The following MED12L variants were observed in gnomAD, a reference collection of about 807,000 sequenced individuals.
MED12L encodes mediator of RNA polymerase II transcription subunit 12-like protein.
MED12L carries 60 observed loss-of-function variants against 281.3 expected under a neutral mutation model. The observed-to-expected ratio is 0.21, with a 90% CI of 0.17 to 0.26. The LOEUF is 0.26. Ranked by LOEUF, MED12L falls within the 10% of genes least tolerant of loss-of-function variation. MED12L has a pLI of 1.00. For synonymous variants in MED12L, 974 were observed against 987.2 expected (o/e 0.99, Z 0.25); for missense variants, 2,146 against 2,680.9 (o/e 0.80, Z 4.41).
At chr3:151,379,834 C>T (rs1486886541) in intron 31 of MED12L, among the ~76,000 whole-genome samples, 1 of 152,158 alleles carries the variant, frequency 6.6e-6, no homozygotes, top group Non-Finnish European at 1.5e-5. Flanking sequence ...GATGAATTCA[C>T]TGTCTTCTAC....
chr3:151,324,324 G>A (rs1049198071), intron 16 of MED12L, among the ~76,000 whole-genome samples: 1 of 152,154 alleles, frequency 6.6e-6, no homozygotes, highest in African/African-American at 2.4e-5. Context: ...TTAGCCTCTA[G>A]GTCAGGGCTT....
chr3:151,117,642 T>C (rs1050668599), intron 3 of MED12L, among the ~76,000 whole-genome samples: 6 of 152,170 alleles, frequency 3.9e-5, no homozygotes, highest in Non-Finnish European at 8.8e-5. Flanking sequence ...AATACTTCAT[T>C]GCCACTCCAA....
chr3:151,205,000 A>G (rs76836161), intron 16 of MED12L, among the ~76,000 whole-genome samples: 1,943 of 152,334 alleles, frequency 0.013, 33 homozygotes, highest in African/African-American at 0.038. Flanking sequence ...AATAGTGAGA[A>G]TTAATCTTTT....
rs769803482 is a variant in MED12L at position 151,214,145 on chromosome 3, T to C, written c.2250+20479T>C. ...GCAATAACAATGTTCTTGAGATAGA[T>C]GATGAAACTCTTAGAGCTGGGCACG... On this transcript the variant is annotated intron_variant, in intron 16 of 44. Coordinates refer to ENST00000687756, the MANE Select transcript of MED12L (RefSeq NM_001393769.1). The C allele has an allele frequency of 2.9e-5, 46 of 1,613,994 alleles. No individual in the cohort carries two copies. The highest frequency in any genetic ancestry group is 3.7e-5 in the Non-Finnish European group (44 of 1,179,992).
chr3:151,423,802 T>C (rs184587954), intron 43 of MED12L, among the ~76,000 whole-genome samples: 4 of 152,352 alleles, frequency 2.6e-5, no homozygotes, highest in African/African-American at 9.6e-5. Flanking sequence ...GCTGCATCAT[T>C]TCCTTTCATC....
intron 16 of MED12L, chr3:151,300,293 G>A (rs777927298): frequency 9.8e-6 from 6 of 612,070 alleles, no homozygotes; most frequent in East Asian, 2.8e-5. Context: ...TTGCCTCCAC[G>A]ATTCAGAAAG....
At chr3:151,328,338 T>C in intron 16 of MED12L, 1 of 1,613,150 alleles carries the variant, frequency 6.2e-7, no homozygotes, top group Non-Finnish European at 8.5e-7. Flanking sequence ...TTGGACTTTC[T>C]ATAAGAATCA....
At chr3:151,173,476 C>A (rs1232431638) in intron 11 of MED12L, among the ~76,000 whole-genome samples, 2 of 152,096 alleles carry the variant, frequency 1.3e-5, no homozygotes, top group East Asian at 3.9e-4. Context: ...TTTGTAATTG[C>A]CATGAACAAT....
intron 16 of MED12L, among the ~76,000 whole-genome samples, chr3:151,236,515 C>A (rs1473138214): frequency 6.6e-6 from 1 of 152,174 alleles, no homozygotes; most frequent in South Asian, 2.1e-4. Context: ...AAAGCCAAGA[C>A]CTTGACAGTA....
intron 39 of MED12L, among the ~76,000 whole-genome samples, chr3:151,404,400 T>C (rs1246921345): frequency 6.6e-6 from 1 of 152,186 alleles, no homozygotes; most frequent in East Asian, 1.9e-4. Flanking sequence ...CCAAGTCGTA[T>C]TTGAGGTGAA....
chr3:151,108,525 C>T (rs1711496814), intron 2 of MED12L, among the ~76,000 whole-genome samples: 1 of 152,046 alleles, frequency 6.6e-6, no homozygotes, highest in Non-Finnish European at 1.5e-5. Context: ...GAGAGGTGGA[C>T]AAGGCTAGGA....
intron 11 of MED12L, among the ~76,000 whole-genome samples, chr3:151,174,604 T>C (rs1486865612): frequency 3.9e-5 from 6 of 152,356 alleles, no homozygotes; most frequent in East Asian, 1.9e-4. Flanking sequence ...ACTATCAACA[T>C]TGATTTTAAG....
chr3:151,375,331 G>T (rs7633788), intron 27 of MED12L, among the ~76,000 whole-genome samples: 16,956 of 152,174 alleles, frequency 0.11, 1,284 homozygotes, highest in Middle Eastern at 0.18. Flanking sequence ...ATTGGGCTCT[G>T]TTACTGTTGA....
At chr3:151,300,153 G>A (rs779956484) in intron 16 of MED12L, 4 of 1,267,736 alleles carry the variant, frequency 3.2e-6, no homozygotes, top group Non-Finnish European at 4.6e-6. Context: ...AACACTTGGG[G>A]ACGATTGAGG....
At chr3:151,096,926 G>A (rs1484354726) in intron 2 of MED12L, among the ~76,000 whole-genome samples, 1 of 152,240 alleles carries the variant, frequency 6.6e-6, no homozygotes, top group African/African-American at 2.4e-5. Context: ...GCCTCTTTGA[G>A]AGCTGGTAAC....
intron 11 of MED12L, among the ~76,000 whole-genome samples, chr3:151,174,749 G>C (rs985389327): frequency 2.0e-5 from 3 of 152,068 alleles, no homozygotes; most frequent in African/African-American, 7.2e-5. Context: ...ACAGGGTCTT[G>C]CTCTGTTGCC....
chr3:151,181,068 G>A (rs187359181), intron 11 of MED12L, among the ~76,000 whole-genome samples: 7 of 151,568 alleles, frequency 4.6e-5, no homozygotes, highest in Non-Finnish European at 7.4e-5. Flanking sequence ...TGTTTTCTCG[G>A]TGGTTAAGTT....
chr3:151,236,859 T>C (rs1732923477), intron 16 of MED12L, among the ~76,000 whole-genome samples: 1 of 152,176 alleles, frequency 6.6e-6, no homozygotes, highest in East Asian at 1.9e-4. Context: ...TGTGACCATA[T>C]CATAGTTAAT....
chr3:151,357,656 A>G (rs937992481), intron 20 of MED12L, among the ~76,000 whole-genome samples: 1 of 152,170 alleles, frequency 6.6e-6, no homozygotes, highest in Non-Finnish European at 1.5e-5. Flanking sequence ...CTCTACGGTT[A>G]ATGTTGGCCA....
Sources: gnomAD v4.1 joint callset for allele counts (sites outside exome capture counted in the v4.1 genomes callset) on GRCh38, gnomAD v4.1.1 for gene constraint, MANE v1.5 for transcripts, NCBI Gene and HGNC (gene_info 2026-07-23, HGNC 2026-07-21) for gene names.